FOXP2: variants seen among roughly 807,000 people sequenced by gnomAD.
The protein encoded by FOXP2 is forkhead box protein P2.
A neutral mutation model predicts 115.8 loss-of-function variants in FOXP2; 12 were observed. The ratio of observed to expected loss-of-function variants is 0.10; its 90% CI spans 0.07 to 0.17. The LOEUF (loss-of-function observed/expected upper bound fraction) is 0.17. Among genes scored for constraint, FOXP2 ranks in the 10% least tolerant of loss-of-function variants. FOXP2 has a pLI of 1.00. For missense variants in FOXP2, 629 were observed against 843.5 expected, an observed-to-expected ratio of 0.75 and a Z score of 3.15; for synonymous variants, 328 against 297.7, an observed-to-expected ratio of 1.10 and a Z score of -1.05.
chr7:114,692,507 A>T lies in FOXP2; in HGVS notation c.*2581A>T, dbSNP rs1049105354. On this transcript the variant is annotated 3_prime_UTR_variant, in exon 17 of 17. Transcript: ENST00000350908. The stretch of plus-strand genomic sequence containing the variant: ...AAAAATGTTGGTGGACCCATAAATG[A>T]CCAGACTTTTTCTAAGAAAAATGTT... 1 of 454,124 alleles carries T rather than the reference A, an allele frequency of 2.2e-6. No homozygotes were observed. The highest frequency in any genetic ancestry group is 2.4e-5 in the Admixed American group (1 of 42,534). The allele number at this position is 454,124 out of a possible 1,614,324, so 28.1% of individuals were successfully genotyped here.
intron 8 of FOXP2, 71 bp downstream of exon 8, chr7:114,644,860 T>C: frequency 1.7e-6 from 2 of 1,167,370 alleles, no homozygotes. Context: ...ACATTGTAAA[T>C]AAACAAAAGA....
chr7:114,134,015 T>TGA, intron 1 of FOXP2, among the ~76,000 whole-genome samples: 1 of 152,208 alleles, frequency 6.6e-6, no homozygotes, highest in Middle Eastern at 3.4e-3. Context: ...TAGAGGAGAT[T>TGA]GAGAAATATG....
At chr7:114,584,342 C>A (rs755914224) in intron 3 of FOXP2, among the ~76,000 whole-genome samples, 1 of 152,132 alleles carries the variant, frequency 6.6e-6, no homozygotes, top group Non-Finnish European at 1.5e-5. Flanking sequence ...CTCCCATAAA[C>A]CACTGATTTT....
intron 1 of FOXP2, among the ~76,000 whole-genome samples, chr7:114,133,100 A>G (rs1000464186): frequency 3.9e-5 from 6 of 152,188 alleles, no homozygotes; most frequent in Admixed American, 6.5e-5. Flanking sequence ...GAAGGTTATG[A>G]GAGGTGATCA....
At chr7:114,466,399 G>T (rs375207630) in intron 2 of FOXP2, among the ~76,000 whole-genome samples, 147 of 152,188 alleles carry the variant, frequency 9.7e-4, no homozygotes, top group African/African-American at 3.4e-3. Flanking sequence ...TTGTTCAGAT[G>T]TCTAAGTATC....
At chr7:114,544,161 A>G (rs1263201609) in intron 3 of FOXP2, among the ~76,000 whole-genome samples, 2 of 152,078 alleles carry the variant, frequency 1.3e-5, no homozygotes. Context: ...AGCCTCTAGC[A>G]TGCTTTTTAA....
At chr7:114,396,146 A>T (rs951150973) in intron 2 of FOXP2, among the ~76,000 whole-genome samples, 4 of 151,760 alleles carry the variant, frequency 2.6e-5, no homozygotes, top group Non-Finnish European at 5.9e-5. Context: ...TAACTATCTC[A>T]TCTTCCCCCA....
intron 2 of FOXP2, among the ~76,000 whole-genome samples, chr7:114,487,748 C>T (rs1474080251): frequency 6.6e-6 from 1 of 152,310 alleles, no homozygotes; most frequent in East Asian, 1.9e-4. Context: ...CACCTTTGCT[C>T]CAGTTCCCAA....
At chr7:114,668,830 GATT>G (rs1257422570) in intron 16 of FOXP2, 1 of 152,106 alleles carries the variant, frequency 6.6e-6, no homozygotes, top group Non-Finnish European at 1.5e-5. Flanking sequence ...GTATGATACT[GATT>G]ATGAAGAATC....
intron 2 of FOXP2, among the ~76,000 whole-genome samples, chr7:114,346,860 T>A (rs1791361385): frequency 6.6e-6 from 1 of 151,752 alleles, no homozygotes; most frequent in Admixed American, 6.6e-5. Flanking sequence ...AGGAATACAT[T>A]CTGGTGTTCT....
Position 114,642,510 on chromosome 7 carries a change from T to C in FOXP2, c.876T>C (p.Thr292=). Residue 292 remains threonine (T), a synonymous_variant, in exon 7 of 17, where the codon ACT becomes ACC. Transcript: ENST00000350908. ...TTAAACATGGAGGGCTAGACCTCACTACTAACAATTCCTCCTCGACTACCT... is the reference window on the plus strand; with the variant it reads ...TTAAACATGGAGGGCTAGACCTCACCACTAACAATTCCTCCTCGACTACCT... ...NGIKHGGLDL[T]TNNSSSTTSS... is the part of the protein sequence containing the mutation. 6.2e-7 allele frequency: 1 copy of C among 1,613,914 alleles called. No homozygotes were observed. Among genetic ancestry groups the C allele is most frequent in the Non-Finnish European group, 8.5e-7 (1 of 1,179,946 alleles).
chr7:114,568,650 A>G (rs1013984538), intron 3 of FOXP2, among the ~76,000 whole-genome samples: 1 of 151,938 alleles, frequency 6.6e-6, no homozygotes, highest in Non-Finnish European at 1.5e-5. Context: ...CTACAAAACT[A>G]GACGAATTCT....
chr7:114,388,115 C>T (rs993583400), intron 2 of FOXP2, among the ~76,000 whole-genome samples: 3 of 152,108 alleles, frequency 2.0e-5, no homozygotes, highest in African/African-American at 7.2e-5. Context: ...TAGGTTTGGC[C>T]AACTGGTTAG....
At chr7:114,405,059 G>A (rs1403595954) in intron 2 of FOXP2, among the ~76,000 whole-genome samples, 1 of 151,862 alleles carries the variant, frequency 6.6e-6, no homozygotes, top group East Asian at 1.9e-4. Context: ...TTTTGATGAA[G>A]TAGAAAACAA....
chr7:114,366,375 A>G (rs1397448285), intron 2 of FOXP2: 10 of 152,202 alleles, frequency 6.6e-5, no homozygotes, highest in Admixed American at 6.5e-4. Flanking sequence ...GATGGATCAT[A>G]ATTAATGCAC....
intron 3 of FOXP2, among the ~76,000 whole-genome samples, chr7:114,605,018 T>A (rs1803235751): frequency 6.6e-6 from 1 of 152,194 alleles, no homozygotes; most frequent in African/African-American, 2.4e-5. Context: ...ATAATGCCAT[T>A]AGAAATGTGA....
rs540828987 is a variant in FOXP2 at position 114,342,176 on chromosome 7, A to G, written c.-11+54067A>G. 2.4e-3 allele frequency among the ~76,000 whole-genome samples: 358 copies of G among 151,532 alleles called. 1 individual carries two copies. The highest frequency in any genetic ancestry group is 8.3e-3 in the African/African-American group (342 of 41,446). Reference sequence around the variant, plus strand: ...CTTGAACTTGGAAAGACCAACCAATAACTTCCATTTTGACTATTCCTTTTA... The same window carrying G: ...CTTGAACTTGGAAAGACCAACCAATGACTTCCATTTTGACTATTCCTTTTA... On this transcript the variant is annotated intron_variant, in intron 2 of 17. Coordinates refer to the FOXP2 transcript ENST00000634411.
chr7:114,482,570 T>C (rs1350565805), intron 2 of FOXP2, among the ~76,000 whole-genome samples: 3 of 151,610 alleles, frequency 2.0e-5, no homozygotes, highest in Non-Finnish European at 4.4e-5. Flanking sequence ...AGTAGTTTGT[T>C]TCTTTCCCTT....
rs544377210 is a variant in FOXP2 at position 114,165,603 on chromosome 7, C to T, written c.-102+2515C>T. Among the ~76,000 whole-genome samples, 3 of 152,226 alleles carry T rather than the reference C, an allele frequency of 2.0e-5. No individual in the cohort carries two copies. In the South Asian group the frequency reaches 6.2e-4, roughly 32 times the overall value. Reference sequence around the variant, plus strand: ...TCAATATTAGGAAGACAATAAAACTCTGATGAAAGAAAATCAAAGATCTGA... The same window carrying T: ...TCAATATTAGGAAGACAATAAAACTTTGATGAAAGAAAATCAAAGATCTGA... On this transcript the variant is annotated intron_variant, in intron 1 of 17. Transcript: ENST00000634411.
Sources: allele counts gnomAD v4.1 joint callset (sites outside exome capture counted in the v4.1 genomes callset), GRCh38; gene constraint gnomAD v4.1.1; transcripts MANE v1.5; gene names NCBI Gene and HGNC (gene_info 2026-07-23, HGNC 2026-07-21).